The following LHFPL4 variants were observed in gnomAD, a reference collection of about 807,000 sequenced individuals.
LHFPL4 encodes the protein LHFPL tetraspan subfamily member 4 protein.
A neutral mutation model predicts 20.0 loss-of-function variants in LHFPL4; 6 were observed. That is an observed-to-expected ratio of 0.30 (90% CI 0.16 to 0.59). LHFPL4 has a LOEUF of 0.59. LHFPL4 is among the 20% of genes least tolerant of loss of function. The pLI is 0.88. For synonymous variants in LHFPL4, 129 were observed against 143.8 expected (o/e 0.90, Z 0.74); for missense variants, 215 against 331.2 (o/e 0.65, Z 2.72).
intron 2 of LHFPL4, among the ~76,000 whole-genome samples, chr3:9,531,270 A>C (rs1043348477): frequency 6.6e-6 from 1 of 152,366 alleles, no homozygotes; most frequent in East Asian, 1.9e-4. Flanking sequence ...CACGTGCTGC[A>C]GGGAAAATAG....
intron 2 of LHFPL4, among the ~76,000 whole-genome samples, chr3:9,540,845 C>G (rs1050762244): frequency 2.6e-5 from 4 of 151,594 alleles, no homozygotes; most frequent in Non-Finnish European, 4.4e-5. Flanking sequence ...GAGCCGTGAT[C>G]ACACCACTGC....
intron 2 of LHFPL4, among the ~76,000 whole-genome samples, chr3:9,528,417 T>C (rs2046387967): frequency 6.6e-6 from 1 of 152,192 alleles, no homozygotes; most frequent in Non-Finnish European, 1.5e-5. Flanking sequence ...GATCATGAGA[T>C]TGCAGCAATT....
intron 2 of LHFPL4, among the ~76,000 whole-genome samples, chr3:9,529,922 T>A (rs958221558): frequency 5.0e-5 from 7 of 141,268 alleles, no homozygotes; most frequent in African/African-American, 1.4e-4. Context: ...TGAGCCACTG[T>A]GCCTGGCTCT....
rs1009767449 is a variant in LHFPL4, at chr3:9,499,839, C to T, written c.*2372G>A. ...AGTGCCCAGATAGCAACCCCCTCCC[C>T]ACTGCCCCGCATCCTGGCTCCTTCA... is the stretch of plus-strand genomic sequence containing the variant. On this transcript the variant is annotated 3_prime_UTR_variant, in exon 4 of 4. Coordinates refer to ENST00000287585, the MANE Select transcript of LHFPL4 (RefSeq NM_198560.3). 3 of 152,548 alleles carry T rather than the reference C, an allele frequency of 2.0e-5. No individual in the cohort carries two copies. Among genetic ancestry groups the T allele is most frequent in the African/African-American group, 7.3e-5 (3 of 41,372 alleles). The allele number at this position is 152,548 out of a possible 1,614,324, so 9.4% of individuals were successfully genotyped here. A position where few individuals can be genotyped will look rare whatever the true frequency, so the allele number is the denominator to read the frequency against.
In LHFPL4 at chr3:9,502,055, G is replaced by A. The variant is rs1316148254; in HGVS notation, c.*156C>T. The A allele has an allele frequency of 9.3e-6, 6 of 646,642 alleles. No individual in the cohort carries two copies. The highest frequency in any genetic ancestry group is 1.7e-5 in the Non-Finnish European group (6 of 356,194). The allele number at this position is 646,642 out of a possible 1,614,324, so 40.1% of individuals were successfully genotyped here. The stretch of plus-strand genomic sequence containing the variant: ...TCTCCTCTCCCCCAGGCCACATCCA[G>A]GCTTTCCTCTCCTCAAAGCCTGGAG... On this transcript the variant is annotated 3_prime_UTR_variant, in exon 4 of 4. Transcript: ENST00000287585.
At chr3:9,526,161 G>C (rs149871116) in intron 2 of LHFPL4, among the ~76,000 whole-genome samples, 3 of 152,284 alleles carry the variant, frequency 2.0e-5, no homozygotes, top group Non-Finnish European at 4.4e-5. Flanking sequence ...CCATTTATAT[G>C]AGCTACCTAG....
At chr3:9,510,438 A>C (rs947209125) in intron 2 of LHFPL4, among the ~76,000 whole-genome samples, 9 of 106,658 alleles carry the variant, frequency 8.4e-5, no homozygotes, top group African/African-American at 5.2e-4. Flanking sequence ...CATGGTTTCA[A>C]AAAAAAAAAA....
chr3:9,503,323 C>T (rs534674010), intron 3 of LHFPL4, among the ~76,000 whole-genome samples: 1 of 152,322 alleles, frequency 6.6e-6, no homozygotes, highest in Admixed American at 6.5e-5. Flanking sequence ...TCACATCAGT[C>T]ACATCCCCAC....
At chr3:9,552,197 T>C (rs1300959971) in intron 2 of LHFPL4, 77 bp downstream of exon 2, 1 of 1,520,036 alleles carries the variant, frequency 6.6e-7, no homozygotes, top group Non-Finnish European at 8.8e-7. Context: ...ATCCGACTCC[T>C]TCAGGAAGGG....
chr3:9,551,987 G>A (rs889933795), intron 2 of LHFPL4, among the ~76,000 whole-genome samples: 4 of 151,856 alleles, frequency 2.6e-5, no homozygotes, highest in Admixed American at 2.6e-4. Flanking sequence ...AGCCAACAGA[G>A]ACCCTTAGAG....
chr3:9,536,469 G>T (rs1011709173), intron 2 of LHFPL4, among the ~76,000 whole-genome samples: 6 of 152,022 alleles, frequency 3.9e-5, no homozygotes, highest in African/African-American at 1.4e-4. Flanking sequence ...CATTTGCAAG[G>T]CTGACTAACT....
intron 2 of LHFPL4, among the ~76,000 whole-genome samples, chr3:9,523,111 CA>C (rs2046350926): frequency 1.5e-5 from 2 of 134,076 alleles, no homozygotes; most frequent in African/African-American, 5.5e-5. Flanking sequence ...AGAGAGAAAG[CA>C]AGCAAGCAAG....
intron 2 of LHFPL4, among the ~76,000 whole-genome samples, chr3:9,513,105 GC>G (rs201464408): frequency 0.041 from 6,195 of 151,142 alleles, 178 homozygotes; most frequent in Non-Finnish European, 0.062. Flanking sequence ...GATTACAGGC[GC>G]CCGCCACTAC....
At chr3:9,534,588 G>T (rs970015453) in intron 2 of LHFPL4, among the ~76,000 whole-genome samples, 1 of 152,208 alleles carries the variant, frequency 6.6e-6, no homozygotes, top group Non-Finnish European at 1.5e-5. Context: ...TTGGGTAGCT[G>T]GAGGAGCAGA....
At chr3:9,535,205 A>G (rs544350545) in intron 2 of LHFPL4, among the ~76,000 whole-genome samples, 30 of 152,326 alleles carry the variant, frequency 2.0e-4, no homozygotes, top group Admixed American at 1.6e-3. Context: ...TTTTGGGAAA[A>G]ATGTTCACAC....
chr3:9,540,447 T>A (rs2046470062), intron 2 of LHFPL4, among the ~76,000 whole-genome samples: 1 of 152,200 alleles, frequency 6.6e-6, no homozygotes, highest in Admixed American at 6.5e-5. Flanking sequence ...GGAACTTACT[T>A]CTTGTAATAG....
At chr3:9,503,209 G>A (rs2046191338) in intron 3 of LHFPL4, among the ~76,000 whole-genome samples, 1 of 151,994 alleles carries the variant, frequency 6.6e-6, no homozygotes, top group Non-Finnish European at 1.5e-5. Flanking sequence ...GAGACTCCCT[G>A]GACACTGAAG....
intron 2 of LHFPL4, among the ~76,000 whole-genome samples, chr3:9,539,328 G>A (rs954214384): frequency 1.3e-5 from 2 of 151,792 alleles, no homozygotes; most frequent in Admixed American, 6.6e-5. Context: ...GGTGGTGGGC[G>A]CCTGTAGTCC....
Position 9,552,710 on chromosome 3 carries a change from C to G in LHFPL4, c.-31G>C, listed in dbSNP as rs200274178. On this transcript the variant is annotated 5_prime_UTR_variant, in exon 2 of 4. Coordinates refer to ENST00000287585, the MANE Select transcript of LHFPL4 (RefSeq NM_198560.3). ...CCGGAGGCGGGGCCGGCGGCGGCGGCGGCTGGCGGGGGCCGCCGGCCCGGG... is the reference window on the plus strand; with the variant it reads ...CCGGAGGCGGGGCCGGCGGCGGCGGGGGCTGGCGGGGGCCGCCGGCCCGGG... 1.3e-5 allele frequency: 17 copies of G among 1,274,492 alleles called. No individual in the cohort carries two copies. Among genetic ancestry groups the G allele is most frequent in the Middle Eastern group, 2.9e-4 (1 of 3,504 alleles). 78.9% of individuals were successfully genotyped at this position (1,274,492 alleles called of 1,614,324 possible).
Sources: allele counts gnomAD v4.1 joint callset (sites outside exome capture counted in the v4.1 genomes callset), GRCh38; gene constraint gnomAD v4.1.1; transcripts MANE v1.5; gene names NCBI Gene and HGNC (gene_info 2026-07-23, HGNC 2026-07-21).